The following CSNK2A2 variants were observed in gnomAD, a reference collection of about 807,000 sequenced individuals.
The protein encoded by CSNK2A2 is casein kinase 2 alpha 2.
Under a neutral mutation model 54.0 loss-of-function variants are expected in CSNK2A2, and 8 were observed. The observed-to-expected ratio is 0.15, with a 90% CI of 0.09 to 0.27. The LOEUF (loss-of-function observed/expected upper bound fraction) is 0.27. CSNK2A2 is among the 10% of genes least tolerant of loss of function. The pLI is 1.00. For synonymous variants in CSNK2A2, 141 were observed against 153.9 expected (o/e 0.92, Z 0.62); for missense variants, 242 against 439.4 (o/e 0.55, Z 4.02).
intron 2 of CSNK2A2, among the ~76,000 whole-genome samples, chr16:58,189,247 C>T (rs566029232): frequency 8.5e-5 from 13 of 152,266 alleles, no homozygotes; most frequent in South Asian, 4.1e-4. Context: ...TGAGCAACTG[C>T]GCCCGGCCAA....
Position 58,197,423 on chromosome 16 carries a change from G to A in CSNK2A2, c.104+210C>T, listed in dbSNP as rs1023779545. 6.6e-5 allele frequency among the ~76,000 whole-genome samples: 10 copies of A among 152,232 alleles called. No individual in the cohort carries two copies. The highest frequency in any genetic ancestry group is 2.4e-4 in the African/African-American group (10 of 41,464). On this transcript the variant is annotated intron_variant, in intron 1 of 11. Transcript: ENST00000262506. The surrounding 1 kb of genome is among the most constrained non-coding windows in gnomAD (Gnocchi z 4.0). ...TAAAAAAGCATTCCTTGGGGGAAAG[G>A]GGTGCGCAAAGCGGGGAGAAAGGGA... is the stretch of plus-strand genomic sequence containing the variant.
chr16:58,167,001 T>G (rs933368549), intron 8 of CSNK2A2, among the ~76,000 whole-genome samples: 23 of 152,356 alleles, frequency 1.5e-4, no homozygotes, highest in African/African-American at 5.1e-4. Context: ...AGATTCACTT[T>G]GGAAGTTTGG....
chr16:58,181,892 G>A (rs1962052300), intron 4 of CSNK2A2, among the ~76,000 whole-genome samples: 1 of 152,076 alleles, frequency 6.6e-6, no homozygotes, highest in Non-Finnish European at 1.5e-5. Context: ...AAAGCTTCCA[G>A]AGGTAAAAAA....
chr16:58,158,577 G>A (rs1961220841), intron 11 of CSNK2A2, among the ~76,000 whole-genome samples: 1 of 152,196 alleles, frequency 6.6e-6, no homozygotes, highest in Non-Finnish European at 1.5e-5. Context: ...ACGGCCTTCT[G>A]TCACAGGACG....
intron 10 of CSNK2A2, among the ~76,000 whole-genome samples, chr16:58,164,694 TG>T (rs1391448497): frequency 6.6e-6 from 1 of 152,146 alleles, no homozygotes; most frequent in Non-Finnish European, 1.5e-5. Context: ...TGCCAGACAC[TG>T]GGGCGGGGAC....
chr16:58,168,926 ATTTC>A (rs1423066961), intron 5 of CSNK2A2, among the ~76,000 whole-genome samples: 1 of 150,834 alleles, frequency 6.6e-6, no homozygotes, highest in Non-Finnish European at 1.5e-5. Flanking sequence ...TATGAGGAAG[ATTTC>A]TTTTTTTTTT....
intron 2 of CSNK2A2, among the ~76,000 whole-genome samples, chr16:58,192,086 G>A (rs1962333054): frequency 6.6e-6 from 1 of 152,118 alleles, no homozygotes; most frequent in South Asian, 2.1e-4. Context: ...TAGTTTATCT[G>A]ACTTTCCTAA....
chr16:58,196,165 C>T (rs1962439246), intron 2 of CSNK2A2, among the ~76,000 whole-genome samples: 1 of 152,128 alleles, frequency 6.6e-6, no homozygotes, highest in African/African-American at 2.4e-5. Context: ...TTCTAACAAA[C>T]GGAGCCCTTT....
At chr16:58,167,041 G>A (rs1249506746) in intron 8 of CSNK2A2, among the ~76,000 whole-genome samples, 166 bp downstream of exon 8, 1 of 152,126 alleles carries the variant, frequency 6.6e-6, no homozygotes, top group Non-Finnish European at 1.5e-5. Flanking sequence ...CTCTACTTCT[G>A]CGGACCTGGT....
intron 3 of CSNK2A2, among the ~76,000 whole-genome samples, chr16:58,185,791 T>C (rs926277985): frequency 6.6e-6 from 1 of 152,216 alleles, no homozygotes; most frequent in South Asian, 2.1e-4. Context: ...CTGTGTAATC[T>C]TGAGTGAATT....
intron 4 of CSNK2A2, among the ~76,000 whole-genome samples, chr16:58,183,850 CTT>C (rs1319937988): frequency 1.3e-5 from 2 of 152,160 alleles, no homozygotes; most frequent in African/African-American, 2.4e-5. Context: ...CAAACACACA[CTT>C]TGTTATTTGA....
chr16:58,172,133 T>G (rs1242208457), intron 5 of CSNK2A2, among the ~76,000 whole-genome samples: 1 of 151,196 alleles, frequency 6.6e-6, no homozygotes, highest in Non-Finnish European at 1.5e-5. Context: ...AGCAACTAAA[T>G]TTTGAATTTT....
chr16:58,162,546 T>G (rs1961414472), intron 11 of CSNK2A2: 1 of 152,196 alleles, frequency 6.6e-6, no homozygotes, highest in African/African-American at 2.4e-5. Context: ...AAGATTTTAT[T>G]GGAATATGGA....
At chr16:58,174,570 A>C in intron 4 of CSNK2A2, 60 bp from the exon 5 acceptor site, 2 of 1,350,590 alleles carry the variant, frequency 1.5e-6, no homozygotes, top group Non-Finnish European at 2.1e-6. Context: ...TGTCATCCTA[A>C]GTGCAGGCCA....
At chr16:58,178,384 A>C (rs1353432909) in intron 4 of CSNK2A2, among the ~76,000 whole-genome samples, 2 of 151,918 alleles carry the variant, frequency 1.3e-5, no homozygotes, top group Admixed American at 1.3e-4. Context: ...CCTCGGGTTC[A>C]CGTGATTCTC....
At chr16:58,178,488 G>A (rs1961938469) in intron 4 of CSNK2A2, among the ~76,000 whole-genome samples, 1 of 152,018 alleles carries the variant, frequency 6.6e-6, no homozygotes, top group Non-Finnish European at 1.5e-5. Context: ...TGCCATGTTG[G>A]TCAGGCTGGT....
chr16:58,159,838 C>T (rs1036104433), intron 11 of CSNK2A2: 5 of 152,202 alleles, frequency 3.3e-5, no homozygotes, highest in African/African-American at 1.2e-4. Context: ...GTCCCAACCT[C>T]TTAGTCACCA....
Position 58,164,125 on chromosome 16 carries a change from G to A in CSNK2A2, c.999C>T (p.Ser333=). 6.2e-7 allele frequency: 1 copy of A among 1,613,882 alleles called. No individual in the cohort carries two copies. Among genetic ancestry groups the A allele is most frequent in the Non-Finnish European group, 8.5e-7 (1 of 1,179,908 alleles). Residue 333 remains serine, a synonymous_variant, in exon 11 of 12, where the codon TCC becomes TCT. Coordinates refer to ENST00000262506, the MANE Select transcript of CSNK2A2 (RefSeq NM_001896.4). ...GCACAGCATTGTCTGCACAAGGCTG[G>A]GACTGCTCCTTCACCACAGGGTCTG... is the stretch of plus-strand genomic sequence containing the variant. ...PYFYPVVKEQ[S]QPCADNAVLS...
At chr16:58,182,120 T>A (rs967437531) in intron 4 of CSNK2A2, among the ~76,000 whole-genome samples, 3 of 152,012 alleles carry the variant, frequency 2.0e-5, no homozygotes, top group African/African-American at 7.2e-5. Context: ...TACAAGAGAA[T>A]GTATGAAACA....
Sources: allele counts gnomAD v4.1 joint callset (sites outside exome capture counted in the v4.1 genomes callset), GRCh38; gene constraint gnomAD v4.1.1; non-coding constraint Gnocchi (gnomAD v3.1); transcripts MANE v1.5; gene names NCBI Gene and HGNC (gene_info 2026-07-23, HGNC 2026-07-21).